CPT1A: variants seen among roughly 807,000 people sequenced by gnomAD.
CPT1A encodes carnitine palmitoyltransferase 1A.
In CPT1A, 64 loss-of-function variants were observed where a neutral mutation model predicts 100.8. The ratio of observed to expected loss-of-function variants is 0.63; its 90% CI spans 0.52 to 0.78. The LOEUF is 0.78. Among genes scored for constraint, CPT1A ranks in the 30% least tolerant of loss-of-function variants. CPT1A has a pLI of 0.00. For synonymous variants in CPT1A, 363 were observed against 396.0 expected, an observed-to-expected ratio of 0.92 and a Z score of 0.99; for missense variants, 802 against 1,034.1, an observed-to-expected ratio of 0.78 and a Z score of 3.08.
intron 1 of CPT1A, among the ~76,000 whole-genome samples, chr11:68,836,733 C>T (rs1857018595): frequency 6.6e-6 from 1 of 150,646 alleles, no homozygotes; most frequent in Non-Finnish European, 1.5e-5. Context: ...GATCATACCG[C>T]TACACTCCAG....
chr11:68,773,972 A>T (rs1855071315), intron 13 of CPT1A: 1 of 181,998 alleles, frequency 5.5e-6, no homozygotes, highest in African/African-American at 2.4e-5. Context: ...TCCAGTAAAC[A>T]TACTGCGCAT....
At chr11:68,780,803 C>T in intron 11 of CPT1A, 58 bp from the exon 12 acceptor site, 1 of 1,238,870 alleles carries the variant, frequency 8.1e-7, no homozygotes, top group Non-Finnish European at 1.2e-6. Context: ...AATGAGGAGA[C>T]ATTGCACCTC....
intron 1 of CPT1A, among the ~76,000 whole-genome samples, chr11:68,838,521 C>A (rs1320317548): frequency 1.5e-5 from 2 of 130,378 alleles, no homozygotes; most frequent in African/African-American, 5.7e-5. Flanking sequence ...GTGGTGGCAT[C>A]TGGAGAGGGG....
chr11:68,810,986 CA>C (rs534094624), intron 3 of CPT1A, among the ~76,000 whole-genome samples: 12 of 150,972 alleles, frequency 7.9e-5, no homozygotes, highest in Non-Finnish European at 1.6e-4. Flanking sequence ...ACTCCATTTC[CA>C]AAAAAAAATC....
chr11:68,832,943 T>C (rs1375364923), intron 1 of CPT1A, among the ~76,000 whole-genome samples: 1 of 152,206 alleles, frequency 6.6e-6, no homozygotes, highest in Non-Finnish European at 1.5e-5. Context: ...GAGAAGGCGC[T>C]GTAGGCAGGG....
chr11:68,836,269 A>T (rs1205370536), intron 1 of CPT1A, among the ~76,000 whole-genome samples: 4 of 152,156 alleles, frequency 2.6e-5, no homozygotes, highest in Non-Finnish European at 5.9e-5. Flanking sequence ...TAAGGCCAGG[A>T]GTTCAAGACC....
chr11:68,816,986 CGTGGGT>C (rs1856429368), intron 1 of CPT1A, among the ~76,000 whole-genome samples: 1 of 33,906 alleles, frequency 2.9e-5, no homozygotes, highest in African/African-American at 1.2e-4. Flanking sequence ...TGGGGGGGTG[CGTGGGT>C]GTGTGTGTGG....
chr11:68,842,430 C>A (rs540785711), upstream of CPT1A, among the ~76,000 whole-genome samples: 40 of 150,638 alleles, frequency 2.7e-4, no homozygotes, highest in East Asian at 7.8e-3. Flanking sequence ...CGTAGCGAGA[C>A]CCCGTCTCTA....
intron 14 of CPT1A, among the ~76,000 whole-genome samples, chr11:68,769,082 T>C (rs1854909296): frequency 6.6e-6 from 1 of 152,206 alleles, no homozygotes. Context: ...TCCTTATTTC[T>C]CTTGGATTAT....
chr11:68,806,821 T>TGGG (rs1325037867), intron 4 of CPT1A, among the ~76,000 whole-genome samples: 2 of 151,796 alleles, frequency 1.3e-5, no homozygotes, highest in East Asian at 3.9e-4. Flanking sequence ...CCCAGAAACT[T>TGGG]GGGAGGCTGA....
At chr11:68,782,003 G>A (rs767194397) in intron 10 of CPT1A, 44 bp from the exon 11 acceptor site, 3 of 1,538,068 alleles carry the variant, frequency 2.0e-6, no homozygotes, top group Non-Finnish European at 2.7e-6. Context: ...CCGACCTGCA[G>A]CGATGGAGCG....
rs551565652 is a variant in CPT1A, at chr11:68,839,661, C to T, written c.-14+2114G>A. 9 of 985,504 alleles carry T rather than the reference C, an allele frequency of 9.1e-6. No individual in the cohort carries two copies. In the African/African-American group the frequency reaches 1.4e-4, roughly 15 times the overall value. The allele number at this position is 985,504 out of a possible 1,614,324, so 61.0% of individuals were successfully genotyped here. On this transcript the variant is annotated intron_variant, in intron 1 of 18. Transcript: ENST00000265641. ...CAACGAGCCAGAAACGCAGGCACCG[C>T]GCTCAAGAGCCCAGGGCGCGTCTAA...
At chr11:68,785,554 C>T (rs2153998512) in intron 9 of CPT1A, among the ~76,000 whole-genome samples, 1 of 140,730 alleles carries the variant, frequency 7.1e-6, no homozygotes, top group South Asian at 2.3e-4. Flanking sequence ...GAGTGATACT[C>T]CATCTCAGGA....
At chr11:68,829,173 G>A (rs528185739) in intron 1 of CPT1A, among the ~76,000 whole-genome samples, 1 of 152,260 alleles carries the variant, frequency 6.6e-6, no homozygotes, top group African/African-American at 2.4e-5. Flanking sequence ...CCAGTCCCCA[G>A]AACCTGCTGA....
At chr11:68,838,208 C>A (rs1857059095) in intron 1 of CPT1A, among the ~76,000 whole-genome samples, 1 of 152,062 alleles carries the variant, frequency 6.6e-6, no homozygotes, top group Non-Finnish European at 1.5e-5. Flanking sequence ...CACTCAGCAG[C>A]ATGATTTCTT....
In CPT1A at chr11:68,757,831, C is replaced by T; in HGVS notation, c.2236-101G>A. 3 of 999,566 alleles carry T rather than the reference C, an allele frequency of 3.0e-6. No homozygotes were observed. The South Asian group carries it at 3.9e-5, about 13-fold the overall frequency. 61.9% of individuals were successfully genotyped at this position (999,566 alleles called of 1,614,324 possible). On this transcript the variant is annotated intron_variant, in intron 18 of 18. Transcript: ENST00000265641. ...TCTGACCCAATGTTTCATTGAAATT[C>T]CTTTCTGCCAGTTCTCTAAGATCTG... is the stretch of plus-strand genomic sequence containing the variant.
intron 1 of CPT1A, among the ~76,000 whole-genome samples, chr11:68,829,024 C>T (rs558777257): frequency 1.7e-4 from 26 of 152,300 alleles, no homozygotes; most frequent in Non-Finnish European, 3.1e-4. Flanking sequence ...CACGTCTTCA[C>T]CCAGCCAAAA....
At chr11:68,796,217 G>T (rs1855751427) in intron 7 of CPT1A, among the ~76,000 whole-genome samples, 1 of 152,150 alleles carries the variant, frequency 6.6e-6, no homozygotes, top group South Asian at 2.1e-4. Flanking sequence ...GTTCTGCAGG[G>T]ATCTTAAGGC....
chr11:68,767,466 A>G lies in CPT1A; in HGVS notation c.1741-4705T>C, dbSNP rs151143412. ...TAGACGGGCCTGGTGGTAAATGCCTATAGTCCCAGCTACCTGGGAGACTGA... is the reference window on the plus strand; with the variant it reads ...TAGACGGGCCTGGTGGTAAATGCCTGTAGTCCCAGCTACCTGGGAGACTGA... On this transcript the variant is annotated intron_variant, in intron 14 of 18. Coordinates refer to ENST00000265641, the MANE Select transcript of CPT1A (RefSeq NM_001876.4). Among the ~76,000 whole-genome samples the G allele has an allele frequency of 2.3e-3, 349 of 152,254 alleles. 2 individuals are homozygous for G. The highest frequency in any genetic ancestry group is 8.2e-3 in the African/African-American group (339 of 41,566).
Sources: allele counts gnomAD v4.1 joint callset (sites outside exome capture counted in the v4.1 genomes callset), GRCh38; gene constraint gnomAD v4.1.1; transcripts MANE v1.5; gene names NCBI Gene and HGNC (gene_info 2026-07-23, HGNC 2026-07-21).